Variants in LARGE1 observed in about 807,000 individuals in gnomAD.
LARGE1 encodes the protein xylosyl- and glucuronyltransferase LARGE1.
In LARGE1, 43 loss-of-function variants were observed where a neutral mutation model predicts 87.6. The ratio of observed to expected loss-of-function variants is 0.49; its 90% CI spans 0.38 to 0.63. LARGE1 has a LOEUF of 0.63. Among genes scored for constraint, LARGE1 ranks in the 30% least tolerant of loss-of-function variants. LARGE1 has a pLI of 0.00. For synonymous variants in LARGE1, 434 were observed against 394.6 expected, an observed-to-expected ratio of 1.10 and a Z score of -1.18; for missense variants, 802 against 1,000.2, an observed-to-expected ratio of 0.80 and a Z score of 2.67.
the LARGE1 span, among the ~76,000 whole-genome samples, chr22:33,115,405 A>G: frequency 0.2 from 30,130 of 150,356 alleles, 4,508 homozygotes; most frequent in African/African-American, 0.42. Flanking sequence ...GGTGAAACCC[A>G]TTCTCCATCG....
chr22:33,595,706 T>C lies in LARGE1; in HGVS notation c.615+8729A>G, dbSNP rs370607980. 2.6e-4 allele frequency among the ~76,000 whole-genome samples: 39 copies of C among 152,314 alleles called. 3 individuals are homozygous for C. The highest frequency in any genetic ancestry group is 1.4e-3 in the Admixed American group (22 of 15,304). On this transcript the variant is annotated intron_variant, in intron 5 of 14. Coordinates refer to ENST00000397394, the MANE Select transcript of LARGE1 (RefSeq NM_133642.5). ...GATGCACACTGTGTAGCTCAAAACA[T>C]AGAAGCCAGGTATTTGCTGGAGGCC...
the LARGE1 span, among the ~76,000 whole-genome samples, chr22:33,077,117 C>T: frequency 6.6e-6 from 1 of 152,066 alleles, no homozygotes; most frequent in Admixed American, 6.5e-5. Flanking sequence ...AGTGTAAGTG[C>T]TATGTATTAT....
intron 1 of LARGE1, among the ~76,000 whole-genome samples, chr22:33,918,192 G>C (rs971084284): frequency 9.2e-5 from 14 of 152,158 alleles, no homozygotes; most frequent in Admixed American, 8.5e-4. Context: ...TCCAGGTATG[G>C]TTTAAAAGCC....
chr22:33,783,672 T>C (rs375254584), intron 1 of LARGE1, among the ~76,000 whole-genome samples: 1 of 152,204 alleles, frequency 6.6e-6, no homozygotes. Flanking sequence ...GTTGTTGTTG[T>C]TGATTTAATC....
chr22:33,551,285 C>T (rs1360762621), intron 6 of LARGE1, among the ~76,000 whole-genome samples: 1 of 152,200 alleles, frequency 6.6e-6, no homozygotes, highest in Non-Finnish European at 1.5e-5. Flanking sequence ...ATTCTCCAGT[C>T]ACTGGTGATG....
intron 1 of LARGE1, among the ~76,000 whole-genome samples, chr22:33,862,283 T>TGGGAGCAAAGG (rs2063951974): frequency 6.6e-6 from 1 of 152,180 alleles, no homozygotes; most frequent in South Asian, 2.1e-4. Flanking sequence ...AAAGATCCTG[T>TGGGAGCAAAGG]AAGCTGCCAT....
At chr22:33,690,573 G>T (rs2082071183) in intron 2 of LARGE1, among the ~76,000 whole-genome samples, 1 of 152,004 alleles carries the variant, frequency 6.6e-6, no homozygotes, top group African/African-American at 2.4e-5. Context: ...AAAGAGGGAG[G>T]GAAGTGTGGA....
the LARGE1 span, among the ~76,000 whole-genome samples, chr22:33,104,988 CT>C: frequency 7.6e-6 from 1 of 130,782 alleles, no homozygotes; most frequent in Non-Finnish European, 1.6e-5. Context: ...TTTTTCTTTT[CT>C]TTCTCTCTCT....
intron 11 of LARGE1, among the ~76,000 whole-genome samples, chr22:33,252,829 ACTC>A (rs1160644150): frequency 2.0e-5 from 3 of 152,064 alleles, no homozygotes; most frequent in Non-Finnish European, 4.4e-5. Context: ...TTTAGGAGAC[ACTC>A]TTTGGGGTCA....
At chr22:33,382,132 T>A in intron 8 of LARGE1, 88 bp from the exon 9 acceptor site, 3 of 1,561,280 alleles carry the variant, frequency 1.9e-6, no homozygotes. Context: ...TCCCCTGTGA[T>A]AGGGCTTCTC....
At chr22:33,414,934 C>A (rs1333930845) in intron 7 of LARGE1, among the ~76,000 whole-genome samples, 1 of 152,232 alleles carries the variant, frequency 6.6e-6, no homozygotes, top group Non-Finnish European at 1.5e-5. Flanking sequence ...GACTTCCCAG[C>A]CTCCAGAACT....
chr22:33,758,501 G>T (rs1312679733), intron 2 of LARGE1, among the ~76,000 whole-genome samples: 1 of 152,282 alleles, frequency 6.6e-6, no homozygotes, highest in South Asian at 2.1e-4. Flanking sequence ...AATGCAGCTC[G>T]TGATTTGGTC....
intron 6 of LARGE1, among the ~76,000 whole-genome samples, chr22:33,483,429 G>T (rs959509421): frequency 6.6e-6 from 1 of 152,158 alleles, no homozygotes; most frequent in African/African-American, 2.4e-5. Flanking sequence ...GTAGTGTCAT[G>T]CAAAATTAGC....
At chr22:33,874,477 A>G (rs1231613637) in intron 1 of LARGE1, among the ~76,000 whole-genome samples, 3 of 152,214 alleles carry the variant, frequency 2.0e-5, no homozygotes, top group Non-Finnish European at 2.9e-5. Context: ...AAACGGAGCA[A>G]TTTGCTCAAC....
intron 9 of LARGE1, among the ~76,000 whole-genome samples, chr22:33,343,133 G>T (rs1482357892): frequency 6.6e-6 from 1 of 152,084 alleles, no homozygotes. Flanking sequence ...TTGTTTGTTT[G>T]TTTGTTGTTT....
intron 1 of LARGE1, among the ~76,000 whole-genome samples, chr22:33,838,322 C>A (rs1272714770): frequency 6.6e-6 from 1 of 152,114 alleles, no homozygotes; most frequent in Non-Finnish European, 1.5e-5. Flanking sequence ...ACTCATACAG[C>A]CACTAGGATC....
intron 6 of LARGE1, among the ~76,000 whole-genome samples, chr22:33,501,975 C>A (rs996635120): frequency 6.6e-6 from 1 of 152,034 alleles, no homozygotes; most frequent in Non-Finnish European, 1.5e-5. Context: ...GGCAGATCAC[C>A]TGAGGTCAGG....
At chr22:33,594,720 C>T (rs2078932144) in intron 5 of LARGE1, among the ~76,000 whole-genome samples, 1 of 152,194 alleles carries the variant, frequency 6.6e-6, no homozygotes, top group Admixed American at 6.5e-5. Flanking sequence ...GATTCTCCTG[C>T]CTTGGCCTCC....
chr22:33,791,594 G>A (rs1465757492), intron 1 of LARGE1, among the ~76,000 whole-genome samples: 1 of 152,188 alleles, frequency 6.6e-6, no homozygotes, highest in African/African-American at 2.4e-5. Context: ...CATTTGTATG[G>A]AATATCTCAC....
Sources: allele counts gnomAD v4.1 joint callset (sites outside exome capture counted in the v4.1 genomes callset), GRCh38; gene constraint gnomAD v4.1.1; transcripts MANE v1.5; gene names NCBI Gene and HGNC (gene_info 2026-07-23, HGNC 2026-07-21).